Variants in GPSM1 observed in about 807,000 individuals in gnomAD.
GPSM1 encodes G protein-signaling modulator 1.
Under a neutral mutation model 70.5 loss-of-function variants are expected in GPSM1, and 48 were observed. The observed-to-expected ratio is 0.68, with a 90% confidence interval of 0.54 to 0.87. The LOEUF (loss-of-function observed/expected upper bound fraction) is 0.87. Ranked by LOEUF, GPSM1 falls within the 40% of genes least tolerant of loss-of-function variation. The pLI, the probability that GPSM1 is intolerant of heterozygous loss-of-function variation, is 0.00. For missense variants in GPSM1, 981 were observed against 972.6 expected (o/e 1.01, Z -0.11); for synonymous variants, 416 against 430.1 (o/e 0.97, Z 0.41).
rs1554769440 is a variant in GPSM1 at position 136,337,446 on chromosome 9, A to G, written c.584A>G (p.Asn195Ser). 1 of 1,569,940 alleles carries G rather than the reference A, an allele frequency of 6.4e-7. No homozygotes were observed. The highest frequency in any genetic ancestry group is 8.6e-7 in the Non-Finnish European group (1 of 1,157,824). The change falls in exon 5 of 14, where the codon AAC becomes AGC. Residue 195 changes from asparagine (N) to serine (S), a missense_variant. By Grantham distance (46) the Asn-to-Ser change is conservative. Transcript: ENST00000440944. Reference protein sequence around the residue: ...LCKASEFYERNLSLVKELGDR... With the variant: ...LCKASEFYERSLSLVKELGDR... ...CAGAGGCACTCGGCCCCCAGGAGGA[A>G]CCTGTCCCTGGTGAAGGAGCTGGGC...
Position 136,340,820 on chromosome 9 carries a change from A to G in GPSM1, c.1084-50A>G. 2.0e-6 allele frequency: 3 copies of G among 1,520,520 alleles called. No homozygotes were observed. Among genetic ancestry groups the G allele is most frequent in the Non-Finnish European group, 1.8e-6 (2 of 1,138,362 alleles). The allele number at this position is 1,520,520 out of a possible 1,614,324, so 94.2% of individuals were successfully genotyped here. ...CCATTAAGGTCCCCTTGGAGCCCACAGCAGGGCCCCCAGCCACACCTGCCC... is the reference window on the plus strand; with the variant it reads ...CCATTAAGGTCCCCTTGGAGCCCACGGCAGGGCCCCCAGCCACACCTGCCC... On this transcript the variant is annotated intron_variant, in intron 8 of 13. Coordinates refer to ENST00000440944, the MANE Select transcript of GPSM1 (RefSeq NM_001145638.3). The surrounding 1 kb of genome is among the most constrained non-coding windows in gnomAD (Gnocchi z 7.3).
chr9:136,349,844 G>A (rs782036620), intron 11 of GPSM1, 81 bp downstream of exon 11: 73 of 1,384,938 alleles, frequency 5.3e-5, no homozygotes, highest in Non-Finnish European at 7.1e-5. Context: ...CCAGCCAACG[G>A]GGCCAGGTCA....
chr9:136,335,231 G>C (rs1025750719), intron 2 of GPSM1, among the ~76,000 whole-genome samples: 2 of 151,888 alleles, frequency 1.3e-5, no homozygotes, highest in African/African-American at 4.8e-5. Context: ...TCAGTGAGGT[G>C]TGGTCCTGCC....
In GPSM1 at chr9:136,346,984, C is replaced by T. The variant is rs1054829089; in HGVS notation, c.1208-1713C>T. Among the ~76,000 whole-genome samples, 6 of 152,196 alleles carry T rather than the reference C, an allele frequency of 3.9e-5. No individual in the cohort carries two copies. In the South Asian group the frequency reaches 1.2e-3, roughly 32 times the overall value. On this transcript the variant is annotated intron_variant, in intron 9 of 13. Coordinates refer to ENST00000440944, the MANE Select transcript of GPSM1 (RefSeq NM_001145638.3). ...GGCCCCGGCACCCTGCCTGGCCATT[C>T]ATGCTGCTAACTTTGACGAGTGCCC...
In GPSM1 at chr9:136,341,369, G is replaced by T; in HGVS notation, c.1207+376G>T. ...GAGGCGAGAGGGCATCAGCCAGAGG[G>T]CTGGGCTGGGCTGGGCTGGGCTGGG... On this transcript the variant is annotated intron_variant, in intron 9 of 13. Coordinates refer to ENST00000440944, the MANE Select transcript of GPSM1 (RefSeq NM_001145638.3). This position sits in a 1 kb window ranked among gnomAD's most constrained non-coding sequence, Gnocchi z 6.7. 8.4e-6 allele frequency: 4 copies of T among 473,614 alleles called. No homozygotes were observed. The highest frequency in any genetic ancestry group is 5.6e-6 in the Non-Finnish European group (2 of 360,088). The allele number at this position is 473,614 out of a possible 1,614,324, so 29.3% of individuals were successfully genotyped here. A position where few individuals can be genotyped will look rare whatever the true frequency, so the allele number is the denominator to read the frequency against.
chr9:136,358,481 C>G lies in GPSM1; in HGVS notation c.*261C>G, dbSNP rs1832908135. On this transcript the variant is annotated 3_prime_UTR_variant, in exon 14 of 14. Transcript: ENST00000440944. ...CCGGACGGGGCCTTCGGCATGTCGG[C>G]CCCGACCTGGTGCTGTCAGACTCCC... The G allele has an allele frequency of 1.5e-5, 8 of 550,434 alleles. No homozygotes were observed. The highest frequency in any genetic ancestry group is 3.7e-5 in the Admixed American group (1 of 27,256). The allele number at this position is 550,434 out of a possible 1,614,324, so 34.1% of individuals were successfully genotyped here. A position where few individuals can be genotyped will look rare whatever the true frequency, so the allele number is the denominator to read the frequency against.
intron 11 of GPSM1, 79 bp downstream of exon 11, chr9:136,349,842 C>A: frequency 7.2e-7 from 1 of 1,385,374 alleles, no homozygotes. Flanking sequence ...TGCCAGCCAA[C>A]GGGGCCAGGT....
intron 1 of GPSM1, among the ~76,000 whole-genome samples, chr9:136,334,128 C>A (rs772664015): frequency 6.6e-6 from 1 of 152,216 alleles, no homozygotes; most frequent in Non-Finnish European, 1.5e-5. Flanking sequence ...GGGGGCCACA[C>A]CCCCTGCAAC....
In GPSM1 at chr9:136,343,763, TA is replaced by T. The variant is rs1358640055; in HGVS notation, c.1207+2772del. Among the ~76,000 whole-genome samples the T allele has an allele frequency of 1.7e-3, 258 of 152,286 alleles. 3 individuals are homozygous for T. The highest frequency in any genetic ancestry group is 5.9e-5 in the Non-Finnish European group (4 of 68,008). On this transcript the variant is annotated intron_variant, in intron 9 of 13. Coordinates refer to ENST00000440944, the MANE Select transcript of GPSM1 (RefSeq NM_001145638.3). This position sits in a 1 kb window ranked among gnomAD's most constrained non-coding sequence, Gnocchi z 6.0. Reference sequence around the variant, plus strand: ...AGAGGCCAGCGAGCCTGAGGGCCCGTAAGCCTGTTGCGTTCGGGCCCTGGGT... The same window carrying T: ...AGAGGCCAGCGAGCCTGAGGGCCCGTAGCCTGTTGCGTTCGGGCCCTGGGT...
rs146709689 is a variant in GPSM1 at position 136,334,474 on chromosome 9, G to A, written c.96G>A (p.Ala32=). 6.6e-5 allele frequency: 107 copies of A among 1,612,742 alleles called. No homozygotes were observed. The African/African-American group carries it at 1.2e-3, about 18-fold the overall frequency. The change falls in exon 2 of 14, where the codon GCG becomes GCA. Residue 32 remains alanine (A), a synonymous_variant. Transcript: ENST00000440944. ...SRMEASCLEL[A]LEGERLCKAG... The stretch of plus-strand genomic sequence containing the variant: ...TGGAGGCGTCCTGCCTAGAGCTGGC[G>A]CTGGAGGGCGAGCGTCTGTGCAAGG...
chr9:136,353,974 C>T (rs1832742273), intron 11 of GPSM1, among the ~76,000 whole-genome samples: 3 of 152,220 alleles, frequency 2.0e-5, no homozygotes, highest in African/African-American at 4.8e-5. Context: ...CAATTCTCCC[C>T]TCCCTCCTGG....
chr9:136,331,364 G>GT (rs1554768442), intron 1 of GPSM1, among the ~76,000 whole-genome samples: 1 of 126,676 alleles, frequency 7.9e-6, no homozygotes, highest in South Asian at 2.6e-4. Context: ...AGGACTCTGA[G>GT]CCCCCCCCCC....
In GPSM1 at chr9:136,340,565, G is replaced by C. The variant is rs558151156; in HGVS notation, c.1084-305G>C. 2.8e-3 allele frequency among the ~76,000 whole-genome samples: 425 copies of C among 152,152 alleles called. 3 individuals carry two copies. Among genetic ancestry groups the C allele is most frequent in the African/African-American group, 9.7e-3 (404 of 41,500 alleles). ...GGCAGGGGCTGAGAGAGGTGCAGCCGGGCGGGGCCGGGCCCCTCGCGCACC... is the reference window on the plus strand; with the variant it reads ...GGCAGGGGCTGAGAGAGGTGCAGCCCGGCGGGGCCGGGCCCCTCGCGCACC... On this transcript the variant is annotated intron_variant, in intron 8 of 13. Transcript: ENST00000440944. The surrounding 1 kb of genome is among the most constrained non-coding windows in gnomAD (Gnocchi z 7.3).
At chr9:136,338,085 T>C in intron 6 of GPSM1, 124 bp downstream of exon 6, 1 of 677,436 alleles carries the variant, frequency 1.5e-6, no homozygotes, top group Non-Finnish European at 2.5e-6. Flanking sequence ...GAAGGCAAGG[T>C]GGGGTTCTAG....
rs572005177 is a variant in GPSM1, at chr9:136,338,508, C to T, written c.819-47C>T. On this transcript the variant is annotated intron_variant, in intron 6 of 13. Transcript: ENST00000440944. ...GTCCCCATTCTTACCTTCCACCCCT[C>T]ACCCTGGAGCCCTCCTCCTGGGGGC... The T allele has an allele frequency of 1.0e-5, 16 of 1,564,250 alleles. No individual in the cohort carries two copies. In the Admixed American group the frequency reaches 2.5e-4, roughly 25 times the overall value.
At chr9:136,331,766 C>T (rs1832106047) in intron 1 of GPSM1, among the ~76,000 whole-genome samples, 1 of 152,216 alleles carries the variant, frequency 6.6e-6, no homozygotes, top group African/African-American at 2.4e-5. Context: ...CCCCAGGGCT[C>T]CCCGCCCCGC....
intron 9 of GPSM1, among the ~76,000 whole-genome samples, chr9:136,345,355 G>T (rs978722542): frequency 2.6e-5 from 4 of 152,232 alleles, no homozygotes; most frequent in Non-Finnish European, 5.9e-5. Context: ...CAGTGGGCCG[G>T]GCCTGTCTGG....
At chr9:136,335,218 T>A (rs1411633317) in intron 2 of GPSM1, among the ~76,000 whole-genome samples, 2 of 151,918 alleles carry the variant, frequency 1.3e-5, no homozygotes, top group Non-Finnish European at 2.9e-5. Context: ...TCCCAGCCAC[T>A]GCTCAGTGAG....
At position 136,358,138 on chromosome 9, in the gene GPSM1, G is replaced by A. The variant is rs764332882; in HGVS notation, c.1946G>A (p.Arg649Gln). Reference sequence around the variant, plus strand: ...CAGGCTAAGCGCATGGACGAGCAGCGGGTGGACCTCGCCGGGGGCCCGGAG... The same window carrying A: ...CAGGCTAAGCGCATGGACGAGCAGCAGGTGGACCTCGCCGGGGGCCCGGAG... ...RVQAKRMDEQ[R>Q]VDLAGGPEQG... The change falls in exon 14 of 14, where the codon CGG (arginine) becomes CAG (glutamine). Residue 649 changes from arginine to glutamine, a missense_variant. Transcript: ENST00000440944. The A allele has an allele frequency of 7.5e-6, 12 of 1,609,346 alleles. No individual in the cohort carries two copies. The highest frequency in any genetic ancestry group is 2.7e-5 in the African/African-American group (2 of 74,802).
Sources: allele counts gnomAD v4.1 joint callset (sites outside exome capture counted in the v4.1 genomes callset), GRCh38; gene constraint gnomAD v4.1.1; non-coding constraint Gnocchi (gnomAD v3.1); transcripts MANE v1.5; gene names NCBI Gene and HGNC (gene_info 2026-07-23, HGNC 2026-07-21).